The following BEAN1 variants were observed in gnomAD, a reference collection of about 807,000 sequenced individuals.
The protein encoded by BEAN1 is protein BEAN1.
In BEAN1, 17 loss-of-function variants were observed where a neutral mutation model predicts 17.7. The observed-to-expected ratio is 0.96, with a 90% confidence interval of 0.66 to 1.44. The LOEUF (loss-of-function observed/expected upper bound fraction) is 1.44, where lower values mean the gene tolerates loss of function less well. Ranked by LOEUF, BEAN1 falls within the 40% of genes most tolerant of loss-of-function variation. BEAN1 has a pLI of 0.00. For missense variants in BEAN1, 359 were observed against 374.1 expected (o/e 0.96, Z 0.33); for synonymous variants, 142 against 151.8 (o/e 0.94, Z 0.47).
intron 4 of BEAN1, among the ~76,000 whole-genome samples, chr16:66,488,540 ACTG>A (rs1567513694): frequency 5.4e-5 from 8 of 147,728 alleles, no homozygotes; most frequent in African/African-American, 5.0e-5. Flanking sequence ...AAAAAAAAAA[ACTG>A]TTTTAATTAG....
intron 1 of BEAN1, among the ~76,000 whole-genome samples, chr16:66,436,417 G>A (rs1268966031): frequency 1.3e-5 from 2 of 150,126 alleles, no homozygotes; most frequent in Non-Finnish European, 3.0e-5. Context: ...ACAGGCGCCT[G>A]CCACCATGCC....
chr16:66,481,698 G>C lies in BEAN1; in HGVS notation c.*773G>C, dbSNP rs867253427. 1 of 156,782 alleles carries C rather than the reference G, an allele frequency of 6.4e-6. No homozygotes were observed. Among genetic ancestry groups the C allele is most frequent in the Non-Finnish European group, 1.4e-5 (1 of 71,352 alleles). 9.7% of individuals were successfully genotyped at this position (156,782 alleles called of 1,614,324 possible). On this transcript the variant is annotated 3_prime_UTR_variant, in exon 5 of 5. Transcript: ENST00000536005. The surrounding 1 kb of genome is among the most constrained non-coding windows in gnomAD (Gnocchi z 4.1). Reference sequence around the variant, plus strand: ...GGGCCCTCCGTGGGTGTGCAGCGGCGGTTCCCTCATCAGTCCAGCCACTGC... The same window carrying C: ...GGGCCCTCCGTGGGTGTGCAGCGGCCGTTCCCTCATCAGTCCAGCCACTGC...
intron 2 of BEAN1, among the ~76,000 whole-genome samples, chr16:66,465,100 CAAG>C (rs1203323747): frequency 2.0e-5 from 3 of 152,152 alleles, no homozygotes; most frequent in South Asian, 4.1e-4. Flanking sequence ...GTGATTTTAT[CAAG>C]AAGGAGAATT....
intron 2 of BEAN1, among the ~76,000 whole-genome samples, chr16:66,439,182 A>C (rs2142380650): frequency 6.6e-6 from 1 of 152,270 alleles, no homozygotes; most frequent in Non-Finnish European, 1.5e-5. Flanking sequence ...TCATTGTTCA[A>C]AGAGTAGTGT....
chr16:66,490,396 CAA>C (rs1340774255), intron 4 of BEAN1, among the ~76,000 whole-genome samples: 1 of 67,602 alleles, frequency 1.5e-5, no homozygotes, highest in Non-Finnish European at 3.0e-5. Flanking sequence ...GACTCTGTTT[CAA>C]TAAAATAAAA....
chr16:66,479,383 G>A (rs1963898241), intron 4 of BEAN1, among the ~76,000 whole-genome samples: 1 of 152,126 alleles, frequency 6.6e-6, no homozygotes, highest in Admixed American at 6.5e-5. Context: ...TTGGCCTCAG[G>A]CACGAGGGGA....
At chr16:66,441,115 G>T (rs771634737) in intron 2 of BEAN1, among the ~76,000 whole-genome samples, 2 of 152,206 alleles carry the variant, frequency 1.3e-5, no homozygotes, top group East Asian at 1.9e-4. Context: ...GAAAGCAGGG[G>T]CCATGCCTGC....
intron 2 of BEAN1, among the ~76,000 whole-genome samples, chr16:66,443,014 C>A (rs1962317385): frequency 6.6e-6 from 1 of 152,210 alleles, no homozygotes; most frequent in African/African-American, 2.4e-5. Flanking sequence ...CAAACGATGG[C>A]ACACACTGCA....
intron 4 of BEAN1, among the ~76,000 whole-genome samples, chr16:66,489,651 G>A (rs1222645231): frequency 1.3e-5 from 2 of 152,184 alleles, no homozygotes; most frequent in African/African-American, 4.8e-5. Context: ...GATACAGAAA[G>A]GCAGATTTAT....
At chr16:66,485,377 C>T, downstream of BEAN1, 1 of 346,008 alleles carries the variant, frequency 2.9e-6, no homozygotes, top group South Asian at 2.2e-5. Context: ...GCCACTGACA[C>T]TCCCACTCAG....
chr16:66,493,240 G>A, exon 5 of BEAN1: 1 of 703,036 alleles, frequency 1.4e-6, no homozygotes, highest in South Asian at 1.5e-5. Context: ...AGAAAAGGCT[G>A]GTGAAGCCCT....
Position 66,481,290 on chromosome 16 carries a change from C to T in BEAN1, c.*365C>T, listed in dbSNP as rs973199194. On this transcript the variant is annotated 3_prime_UTR_variant, in exon 5 of 5. Coordinates refer to ENST00000536005, the MANE Select transcript of BEAN1 (RefSeq NM_001178020.3). The surrounding 1 kb of genome is among the most constrained non-coding windows in gnomAD (Gnocchi z 4.1). ...AGTAGGAAGTGGGATTTTCTCTTCC[C>T]TCTCCTGGGCCCGTTTGCCCCTACC... 2.5e-6 allele frequency: 1 copy of T among 399,566 alleles called. No homozygotes were observed. The highest frequency in any genetic ancestry group is 1.3e-4 in the South Asian group (1 of 7,976). The allele number at this position is 399,566 out of a possible 1,614,324, so 24.8% of individuals were successfully genotyped here.
chr16:66,448,526 A>T (rs1010923998), intron 2 of BEAN1, among the ~76,000 whole-genome samples: 1 of 152,262 alleles, frequency 6.6e-6, no homozygotes, highest in Non-Finnish European at 1.5e-5. Context: ...GAACACATTC[A>T]TATCAAAAAA....
intron 2 of BEAN1, among the ~76,000 whole-genome samples, chr16:66,452,195 T>G (rs149653134): frequency 1.6e-3 from 241 of 152,334 alleles, no homozygotes; most frequent in African/African-American, 5.5e-3. Context: ...TCTTTTCCTA[T>G]TCTACTGGTT....
In BEAN1 at chr16:66,481,431, G is replaced by A. The variant is rs537040606; in HGVS notation, c.*506G>A. 6.9e-4 allele frequency: 272 copies of A among 395,516 alleles called. 1 individual carries two copies. Among genetic ancestry groups the A allele is most frequent in the African/African-American group, 5.0e-3 (244 of 48,686 alleles). The allele number at this position is 395,516 out of a possible 1,614,324, so 24.5% of individuals were successfully genotyped here. ...GGGCCAGCTTGTCCTCCTGGGAGGC[G>A]GGACAGGCCCCAGTGAGGTTCCGTT... On this transcript the variant is annotated 3_prime_UTR_variant, in exon 5 of 5. Coordinates refer to ENST00000536005, the MANE Select transcript of BEAN1 (RefSeq NM_001178020.3). The surrounding 1 kb of genome is among the most constrained non-coding windows in gnomAD (Gnocchi z 4.1).
At chr16:66,491,870 G>T (rs1169540171) in intron 4 of BEAN1, among the ~76,000 whole-genome samples, 1 of 152,144 alleles carries the variant, frequency 6.6e-6, no homozygotes, top group Non-Finnish European at 1.5e-5. Context: ...TGTGCGGCCA[G>T]GTTCCTAACA....
chr16:66,461,249 TG>T (rs1963071922), intron 2 of BEAN1, among the ~76,000 whole-genome samples: 5 of 152,214 alleles, frequency 3.3e-5, no homozygotes, highest in Admixed American at 3.3e-4. Flanking sequence ...TTTATCTTTT[TG>T]ATAAAATAGG....
intron 2 of BEAN1, chr16:66,438,060 T>G (rs1962100326): frequency 2.8e-6 from 1 of 358,138 alleles, no homozygotes; most frequent in South Asian, 3.3e-5. Context: ...AAGAAAGTTT[T>G]GCTCCTGCAA....
At chr16:66,444,946 T>C (rs2142389942) in intron 2 of BEAN1, among the ~76,000 whole-genome samples, 1 of 152,356 alleles carries the variant, frequency 6.6e-6, no homozygotes, top group East Asian at 1.9e-4. Flanking sequence ...TATTGTAAAC[T>C]GTGGACAGTC....
Sources: gnomAD v4.1 joint callset for allele counts (sites outside exome capture counted in the v4.1 genomes callset) on GRCh38, gnomAD v4.1.1 for gene constraint, Gnocchi (gnomAD v3.1) non-coding constraint, MANE v1.5 for transcripts, NCBI Gene and HGNC (gene_info 2026-07-23, HGNC 2026-07-21) for gene names.